The following PLD5 variants were observed in gnomAD, a reference collection of about 807,000 sequenced individuals.
The protein encoded by PLD5 is phospholipase D family member 5.
Under a neutral mutation model 61.1 loss-of-function variants are expected in PLD5, and 36 were observed. That is an observed-to-expected ratio of 0.59 (90% CI 0.45 to 0.78). The LOEUF is 0.78. PLD5 is among the 30% of genes least tolerant of loss of function. The pLI is 0.00. For synonymous variants in PLD5, 243 were observed against 242.8 expected (o/e 1.00, Z -0.01); for missense variants, 515 against 644.4 (o/e 0.80, Z 2.17).
intron 2 of PLD5, among the ~76,000 whole-genome samples, chr1:242,329,229 T>G (rs1045221059): frequency 6.6e-6 from 1 of 152,114 alleles, no homozygotes; most frequent in African/African-American, 2.4e-5. Flanking sequence ...AGGCTGCTCT[T>G]GAACTCCTGA....
At chr1:242,135,352 A>G (rs1477764864) in intron 5 of PLD5, among the ~76,000 whole-genome samples, 1 of 152,170 alleles carries the variant, frequency 6.6e-6, no homozygotes, top group East Asian at 1.9e-4. Flanking sequence ...GCTGGAGTGC[A>G]CACTTCTGCC....
At chr1:242,245,519 T>A (rs763474602) in intron 4 of PLD5, among the ~76,000 whole-genome samples, 1 of 152,174 alleles carries the variant, frequency 6.6e-6, no homozygotes, top group African/African-American at 2.4e-5. Context: ...AAGCAGAAGT[T>A]TGGCTTCAGG....
At chr1:242,152,626 T>A (rs1574403732) in intron 5 of PLD5, among the ~76,000 whole-genome samples, 2 of 152,096 alleles carry the variant, frequency 1.3e-5, no homozygotes, top group South Asian at 4.1e-4. Flanking sequence ...TGTTCTTGTG[T>A]TAGTTTGTTG....
intron 5 of PLD5, among the ~76,000 whole-genome samples, chr1:242,200,449 G>A (rs1244870461): frequency 1.3e-5 from 2 of 152,158 alleles, no homozygotes; most frequent in Non-Finnish European, 2.9e-5. Flanking sequence ...GCTTTGAGAC[G>A]TCTTGGATGT....
intron 1 of PLD5, among the ~76,000 whole-genome samples, chr1:242,520,190 A>AT (rs761873064): frequency 2.6e-5 from 4 of 152,140 alleles, no homozygotes; most frequent in East Asian, 1.9e-4. Context: ...TCATTACATG[A>AT]TTTTCCAACT....
chr1:242,125,198 C>G (rs752025484), intron 5 of PLD5, among the ~76,000 whole-genome samples: 16 of 152,148 alleles, frequency 1.1e-4, no homozygotes, highest in Non-Finnish European at 2.1e-4. Context: ...GTATTTATTT[C>G]ATATGTTGCT....
chr1:242,292,023 C>T (rs1391693959), intron 2 of PLD5, among the ~76,000 whole-genome samples: 1 of 151,990 alleles, frequency 6.6e-6, no homozygotes, highest in Admixed American at 6.6e-5. Flanking sequence ...CCAGGAGAAG[C>T]AGCGTTCAGG....
At chr1:242,483,803 G>T (rs976607698) in intron 1 of PLD5, among the ~76,000 whole-genome samples, 3 of 152,026 alleles carry the variant, frequency 2.0e-5, no homozygotes, top group East Asian at 3.9e-4. Flanking sequence ...GACCACATAG[G>T]TGGAAGTAAA....
chr1:242,353,591 T>A (rs1660594266), intron 1 of PLD5, among the ~76,000 whole-genome samples: 1 of 152,164 alleles, frequency 6.6e-6, no homozygotes, highest in Admixed American at 6.5e-5. Flanking sequence ...AGAATTGCAA[T>A]AAATCTGTAA....
At chr1:242,241,936 A>C (rs1672064408) in intron 4 of PLD5, among the ~76,000 whole-genome samples, 1 of 137,922 alleles carries the variant, frequency 7.3e-6, no homozygotes. Flanking sequence ...ATATACGCTT[A>C]TATATATATA....
At chr1:242,354,072 C>T (rs1660623183) in intron 1 of PLD5, among the ~76,000 whole-genome samples, 2 of 151,736 alleles carry the variant, frequency 1.3e-5, no homozygotes, top group Admixed American at 1.3e-4. Context: ...GACTTACTTC[C>T]TGGTCACAAA....
At chr1:242,441,115 A>G (rs936325078) in intron 1 of PLD5, among the ~76,000 whole-genome samples, 2 of 152,250 alleles carry the variant, frequency 1.3e-5, no homozygotes, top group Non-Finnish European at 2.9e-5. Flanking sequence ...CAGAATGTAT[A>G]ATATTCACTG....
intron 9 of PLD5, among the ~76,000 whole-genome samples, chr1:242,091,809 T>A (rs1428107193): frequency 1.4e-5 from 2 of 147,974 alleles, no homozygotes; most frequent in Non-Finnish European, 3.0e-5. Context: ...TTTATTCTTC[T>A]TTTTCTTTTC....
intron 1 of PLD5, among the ~76,000 whole-genome samples, chr1:242,434,295 G>C (rs1006523119): frequency 3.9e-5 from 6 of 152,222 alleles, no homozygotes; most frequent in African/African-American, 1.4e-4. Context: ...AGGAGTGGAA[G>C]AGAAGAGCCG....
intron 9 of PLD5, among the ~76,000 whole-genome samples, chr1:242,094,274 A>G (rs1418860872): frequency 6.6e-6 from 1 of 152,094 alleles, no homozygotes; most frequent in African/African-American, 2.4e-5. Context: ...GGGACTTTTG[A>G]GTGCCTTCCA....
chr1:242,239,613 C>G (rs932569881), intron 4 of PLD5, among the ~76,000 whole-genome samples: 4 of 152,142 alleles, frequency 2.6e-5, no homozygotes, highest in Non-Finnish European at 5.9e-5. Flanking sequence ...CTCTTAGAAT[C>G]TAGATCTACC....
intron 3 of PLD5, among the ~76,000 whole-genome samples, chr1:242,280,560 T>C (rs983087065): frequency 3.9e-5 from 6 of 152,066 alleles, no homozygotes; most frequent in African/African-American, 1.4e-4. Context: ...AAAAATGAAA[T>C]GTGTGTTTTT....
In PLD5 at chr1:242,128,950, G is replaced by GT. The variant is rs773779726; in HGVS notation, c.736-4286_736-4285insA. On this transcript the variant is annotated intron_variant, in intron 5 of 9. Transcript: ENST00000536534. The stretch of plus-strand genomic sequence containing the variant: ...ACCGCATTAGCTAATGGAAAATTGG[G>GT]AAGAGGAACATAAAAACGCTTCTGT... 1.2e-3 allele frequency among the ~76,000 whole-genome samples: 188 copies of GT among 152,300 alleles called. 1 individual carries two copies. Among genetic ancestry groups the GT allele is most frequent in the Middle Eastern group, 0.01 (3 of 294 alleles).
chr1:242,459,505 A>G (rs1453160267), intron 1 of PLD5, among the ~76,000 whole-genome samples: 2 of 152,190 alleles, frequency 1.3e-5, no homozygotes, highest in Non-Finnish European at 2.9e-5. Context: ...ATATTCTTCA[A>G]TCCAATTGTG....
Sources: allele counts gnomAD v4.1 joint callset (sites outside exome capture counted in the v4.1 genomes callset), GRCh38; gene constraint gnomAD v4.1.1; transcripts MANE v1.5; gene names NCBI Gene and HGNC (gene_info 2026-07-23, HGNC 2026-07-21).